FMN1: variants seen among roughly 807,000 people sequenced by gnomAD.
The protein encoded by FMN1 is formin 1.
Under a neutral mutation model 132.4 loss-of-function variants are expected in FMN1, and 110 were observed. That is an observed-to-expected ratio of 0.83 (90% CI 0.71 to 0.97). FMN1 has a LOEUF of 0.97. Ranked by LOEUF, FMN1 falls within the 50% of genes least tolerant of loss-of-function variation. The pLI is 0.00. For synonymous variants in FMN1, 722 were observed against 651.7 expected (o/e 1.11, Z -1.64); for missense variants, 1,792 against 1,705.3 (o/e 1.05, Z -0.90).
intron 4 of FMN1, among the ~76,000 whole-genome samples, chr15:33,097,971 G>T (rs1416700055): frequency 6.6e-6 from 1 of 152,074 alleles, no homozygotes; most frequent in African/African-American, 2.4e-5. Flanking sequence ...AGTACATATG[G>T]AATTTATCAA....
rs531553799 is a variant in FMN1, at chr15:32,932,832, C to T, written c.3139-6571G>A. On this transcript the variant is annotated intron_variant, in intron 9 of 20. Coordinates refer to ENST00000616417, the MANE Select transcript of FMN1 (RefSeq NM_001277313.2). ...TATAATCCTTCCAGTTCTGTGGCAT[C>T]GGTTGTAATGTCTTCTCTCTCATTT... is the stretch of plus-strand genomic sequence containing the variant. Among the ~76,000 whole-genome samples, 10 of 152,168 alleles carry T rather than the reference C, an allele frequency of 6.6e-5. No homozygotes were observed. The South Asian group carries it at 1.2e-3, about 19-fold the overall frequency.
At chr15:32,917,337 G>C (rs1300904767) in intron 10 of FMN1, among the ~76,000 whole-genome samples, 1 of 152,104 alleles carries the variant, frequency 6.6e-6, no homozygotes, top group Non-Finnish European at 1.5e-5. Flanking sequence ...ATAAGCACCA[G>C]GCCTACCTGT....
intron 4 of FMN1, among the ~76,000 whole-genome samples, chr15:33,124,819 G>C (rs74008217): frequency 1.3e-5 from 2 of 149,890 alleles, no homozygotes; most frequent in African/African-American, 4.9e-5. Context: ...TTCAATACTA[G>C]ATGAAAAAAA....
At chr15:32,834,505 A>G (rs1280998116) in intron 17 of FMN1, among the ~76,000 whole-genome samples, 2 of 152,214 alleles carry the variant, frequency 1.3e-5, no homozygotes, top group Non-Finnish European at 1.5e-5. Context: ...AAAAGACAGA[A>G]AACAGGAGCT....
intron 4 of FMN1, among the ~76,000 whole-genome samples, chr15:33,139,742 C>T (rs759101126): frequency 6.6e-5 from 10 of 152,094 alleles, no homozygotes; most frequent in Non-Finnish European, 1.0e-4. Flanking sequence ...TCAGAAGATC[C>T]GGCATATTCC....
At chr15:32,856,940 G>C in intron 17 of FMN1, 75 bp downstream of exon 17, 2 of 1,062,294 alleles carry the variant, frequency 1.9e-6, no homozygotes, top group Non-Finnish European at 2.9e-6. Context: ...CAGGGGCCGT[G>C]GGCCTCAGAG....
chr15:32,930,139 G>A (rs1253173653), intron 9 of FMN1, among the ~76,000 whole-genome samples: 1 of 151,830 alleles, frequency 6.6e-6, no homozygotes, highest in African/African-American at 2.4e-5. Context: ...ACAGGTGCCT[G>A]CCACCACGCC....
chr15:32,898,890 T>A lies in FMN1; in HGVS notation c.3658A>T (p.Asn1220Tyr). Reference sequence around the variant, plus strand: ...ACGTAGTCCACCAGATTAATCCCATTATCCTAGGTTTAAAAGAGAAATGTA... The same window carrying A: ...ACGTAGTCCACCAGATTAATCCCATAATCCTAGGTTTAAAAGAGAAATGTA... Reference protein sequence around the residue: ...PKLKDVKSRDNGINLVDYVVK... With the variant: ...PKLKDVKSRDYGINLVDYVVK... Residue 1220 changes from asparagine to tyrosine, a missense_variant, in exon 15 of 21, where the codon AAT (asparagine) becomes TAT (tyrosine). By Grantham distance (143) the Asn-to-Tyr change is moderately radical (BLOSUM62 -2). This residue lies in a region of FMN1 where 1,150 missense variants were observed against 1,043.1 expected (regional missense o/e 1.10). Coordinates refer to ENST00000616417, the MANE Select transcript of FMN1 (RefSeq NM_001277313.2). 7 of 1,577,742 alleles carry A rather than the reference T, an allele frequency of 4.4e-6. No homozygotes were observed. The highest frequency in any genetic ancestry group is 6.1e-6 in the Non-Finnish European group (7 of 1,149,442).
intron 5 of FMN1, among the ~76,000 whole-genome samples, chr15:33,069,441 G>A (rs922510): frequency 0.31 from 46,709 of 152,050 alleles, 7,697 homozygotes; most frequent in Admixed American, 0.37. Context: ...TTGAGCAAAG[G>A]TCCAAGAAGA....
chr15:32,930,754 C>T (rs1025306087), intron 9 of FMN1, among the ~76,000 whole-genome samples: 4 of 151,476 alleles, frequency 2.6e-5, no homozygotes, highest in Non-Finnish European at 4.4e-5. Context: ...CATGCTATAT[C>T]CAGGAAACAA....
At chr15:32,918,822 A>T (rs577583469) in intron 10 of FMN1, among the ~76,000 whole-genome samples, 69 of 152,282 alleles carry the variant, frequency 4.5e-4, no homozygotes, top group Non-Finnish European at 8.1e-4. Context: ...GGTAAAGTAC[A>T]AAGAAATGCC....
Position 32,774,284 on chromosome 15 carries a change from T to C in FMN1, c.*26A>G, listed in dbSNP as rs1351211283. 1.3e-6 allele frequency: 2 copies of C among 1,583,756 alleles called. No individual in the cohort carries two copies. The highest frequency in any genetic ancestry group is 8.6e-7 in the Non-Finnish European group (1 of 1,158,028). On this transcript the variant is annotated 3_prime_UTR_variant, in exon 21 of 21. Transcript: ENST00000616417. The stretch of plus-strand genomic sequence containing the variant: ...TGCGTGCAAGGTCCTCCACCTCCAG[T>C]GCCATCATTTCCATGTGTCTTCATC...
chr15:33,058,011 C>T (rs1269269873), intron 6 of FMN1, among the ~76,000 whole-genome samples: 4 of 144,582 alleles, frequency 2.8e-5, no homozygotes, highest in South Asian at 2.2e-4. Flanking sequence ...AAAGGCGTGG[C>T]GGGGCTGGTA....
At chr15:32,982,635 T>C (rs74012424) in intron 7 of FMN1, among the ~76,000 whole-genome samples, 1,562 of 152,272 alleles carry the variant, frequency 0.01, 29 homozygotes, top group African/African-American at 0.036. Context: ...TAAAGCAGAT[T>C]GCCCTCCCTA....
intron 19 of FMN1, among the ~76,000 whole-genome samples, chr15:32,795,287 T>C (rs899245686): frequency 5.3e-5 from 8 of 152,200 alleles, no homozygotes; most frequent in African/African-American, 1.9e-4. Flanking sequence ...AAGAGGGCAA[T>C]GAAAATTCTT....
intron 17 of FMN1, among the ~76,000 whole-genome samples, chr15:32,828,227 T>C (rs751771409): frequency 2.6e-4 from 39 of 152,202 alleles, no homozygotes; most frequent in Middle Eastern, 3.4e-3. Context: ...TGAGCCCAGA[T>C]TGCACCACTG....
At chr15:33,023,438 C>CA (rs2035517362) in intron 6 of FMN1, among the ~76,000 whole-genome samples, 1 of 151,722 alleles carries the variant, frequency 6.6e-6, no homozygotes, top group Admixed American at 6.6e-5. Context: ...GAATCCTTAC[C>CA]AAAATAAAGG....
chr15:33,152,788 C>CAGAAAAAAAAA (rs1964492429), intron 4 of FMN1, among the ~76,000 whole-genome samples: 1 of 65,948 alleles, frequency 1.5e-5, no homozygotes, highest in Non-Finnish European at 2.5e-5. Context: ...TAGAGGATGC[C>CAGAAAAAAAAA]AAAAAAAAAA....
At chr15:32,962,282 T>C (rs925698565) in intron 9 of FMN1, among the ~76,000 whole-genome samples, 4 of 152,154 alleles carry the variant, frequency 2.6e-5, no homozygotes, top group Admixed American at 1.3e-4. Context: ...GAAAACTGGC[T>C]AGCCATATGT....
Sources: allele counts gnomAD v4.1 joint callset (sites outside exome capture counted in the v4.1 genomes callset), GRCh38; gene constraint gnomAD v4.1.1; regional missense constraint gnomAD v4.1.1; transcripts MANE v1.5; gene names NCBI Gene and HGNC (gene_info 2026-07-23, HGNC 2026-07-21).